ECI2: variants seen among roughly 807,000 people sequenced by gnomAD.
The protein encoded by ECI2 is enoyl-CoA delta isomerase 2, also known as D3,D2-enoyl-CoA isomerase.
A neutral mutation model predicts 38.4 loss-of-function variants in ECI2; 27 were observed. That is an observed-to-expected ratio of 0.70 (90% CI 0.52 to 0.97). The LOEUF (loss-of-function observed/expected upper bound fraction) is 0.97. Ranked by LOEUF, ECI2 falls within the 50% of genes least tolerant of loss-of-function variation. ECI2 has a pLI of 0.00. For synonymous variants in ECI2, 168 were observed against 172.0 expected (o/e 0.98, Z 0.18); for missense variants, 470 against 474.4 (o/e 0.99, Z 0.09).
At chr6:4,123,300 C>CA (rs1772928964) in intron 7 of ECI2, among the ~76,000 whole-genome samples, 1 of 151,930 alleles carries the variant, frequency 6.6e-6, no homozygotes, top group African/African-American at 2.4e-5. Context: ...CCTCAGCCTC[C>CA]AATGTAGCTG....
intron 7 of ECI2, among the ~76,000 whole-genome samples, chr6:4,119,702 G>T (rs1581966523): frequency 6.6e-6 from 1 of 152,120 alleles, no homozygotes; most frequent in South Asian, 2.1e-4. Context: ...AAGATTATGT[G>T]GTTAATATGC....
chr6:4,135,491 G>A lies in ECI2; in HGVS notation c.50+20C>T, dbSNP rs1163587349. On this transcript the variant is annotated intron_variant, in intron 1 of 9. Coordinates refer to ENST00000380118, the MANE Select transcript of ECI2 (RefSeq NM_206836.3). ...TCCTGCGGGCGACCATGGGCCGAAC[G>A]GCCGGGACTCCAAGCTTACCTCGGA... 1 of 1,612,148 alleles carries A rather than the reference G, an allele frequency of 6.2e-7. No homozygotes were observed. The highest frequency in any genetic ancestry group is 8.5e-7 in the Non-Finnish European group (1 of 1,179,666).
intron 8 of ECI2, 195 bp from the exon 9 acceptor site, chr6:4,117,646 G>A (rs1346283127): frequency 1.0e-5 from 6 of 599,692 alleles, no homozygotes; most frequent in African/African-American, 9.5e-5. Context: ...TCCTGGGAAG[G>A]TCTATAAGGG....
chr6:4,128,826 G>T (rs907598992), intron 4 of ECI2, among the ~76,000 whole-genome samples: 1 of 152,120 alleles, frequency 6.6e-6, no homozygotes, highest in Non-Finnish European at 1.5e-5. Context: ...CTTTTTATGG[G>T]GGACTTCAGG....
At chr6:4,135,428 G>A (rs901543864) in intron 1 of ECI2, 83 bp downstream of exon 1, 1 of 1,605,256 alleles carries the variant, frequency 6.2e-7, no homozygotes, top group Non-Finnish European at 8.5e-7. Flanking sequence ...GGGAAGGAGG[G>A]TCTTCCAACG....
At chr6:4,123,805 A>G (rs543556149) in intron 7 of ECI2, among the ~76,000 whole-genome samples, 3 of 151,966 alleles carry the variant, frequency 2.0e-5, no homozygotes, top group Admixed American at 2.0e-4. Context: ...TGTCTCTACT[A>G]AAAATACAAA....
chr6:4,127,847 A>G lies in ECI2; in HGVS notation c.502-16T>C, dbSNP rs186197559. 1.2e-3 allele frequency: 1,849 copies of G among 1,605,342 alleles called. 24 individuals carry two copies. In the African/African-American group the frequency reaches 0.021, roughly 18 times the overall value. ...CATGATACATCTGTGTAATGGGAAGACAAGGAAAAGAAAAGAACTCTGAAC... is the reference window on the plus strand; with the variant it reads ...CATGATACATCTGTGTAATGGGAAGGCAAGGAAAAGAAAAGAACTCTGAAC... On this transcript the variant is annotated splice_polypyrimidine_tract_variant and intron_variant, in intron 4 of 9. Coordinates refer to ENST00000380118, the MANE Select transcript of ECI2 (RefSeq NM_206836.3).
rs200235549 is a variant in ECI2, at chr6:4,125,363, C to G, written c.682G>C (p.Val228Leu). 1.9e-6 allele frequency: 3 copies of G among 1,614,106 alleles called. No homozygotes were observed. The highest frequency in any genetic ancestry group is 2.5e-6 in the Non-Finnish European group (3 of 1,180,030). Residue 228 changes from valine (V) to leucine (L), a missense_variant, in exon 7 of 10, where the codon GTG becomes CTG. By Grantham distance (32) the Val-to-Leu change is conservative. Transcript: ENST00000380118. ...KNNAVLLREFVGCFIDFPKPL... is the reference protein window; with the variant it reads ...KNNAVLLREFLGCFIDFPKPL... ...TTAGGAAAATCTATAAAACAGCCCA[C>G]AAATTCCCTACAGAAATGGAAACAC...
At position 4,135,513 on chromosome 6, in the gene ECI2, C is replaced by T. The variant is rs760835496; in HGVS notation, c.48G>A (p.Pro16=). ...AACGGCCGGGACTCCAAGCTTACCT[C>T]GGACACGAACGCCGCGCCAGTCTCC... is the stretch of plus-strand genomic sequence containing the variant. The part of the protein sequence containing the change: ...LAWRLARRSC[P]SSLQVTSFPV... The change falls in exon 1 of 10, where the codon CCG becomes CCA. Residue 16 remains proline (P), a splice_region_variant and synonymous_variant. Transcript: ENST00000380118. The T allele has an allele frequency of 1.3e-6, 2 of 1,598,418 alleles. No homozygotes were observed. Among genetic ancestry groups the T allele is most frequent in the Non-Finnish European group, 1.7e-6 (2 of 1,170,858 alleles).
In ECI2 at chr6:4,115,800, T is replaced by TTAG. The variant is rs1772218507; in HGVS notation, c.*71_*73dup. 2.6e-6 allele frequency: 4 copies of TTAG among 1,539,598 alleles called. No homozygotes were observed. Among genetic ancestry groups the TTAG allele is most frequent in the Non-Finnish European group, 3.5e-6 (4 of 1,139,014 alleles). On this transcript the variant is annotated 3_prime_UTR_variant, in exon 10 of 10. Transcript: ENST00000380118. ...CTACAAAAGGCACAATGAAGCTTAT[T>TTAG]TAGTTCCAGTACTGGAAATCAGAGG...
rs1184439137 is a variant in ECI2 at position 4,125,014 on chromosome 6, G to A, written c.795+236C>T. 6.0e-6 allele frequency: 4 copies of A among 662,574 alleles called. No individual in the cohort carries two copies. In the African/African-American group the frequency reaches 7.1e-5, roughly 12 times the overall value. The allele number at this position is 662,574 out of a possible 1,614,324, so 41.0% of individuals were successfully genotyped here. On this transcript the variant is annotated intron_variant, in intron 7 of 9. Coordinates refer to ENST00000380118, the MANE Select transcript of ECI2 (RefSeq NM_206836.3). ...AAGCTGTATACCTATTGTGGAATTTGATTAGAATCCGGAACAGTCAGAGTT... is the reference window on the plus strand; with the variant it reads ...AAGCTGTATACCTATTGTGGAATTTAATTAGAATCCGGAACAGTCAGAGTT...
rs1772506543 is a variant in ECI2 at position 4,119,260 on chromosome 6, G to A, written c.811C>T (p.Pro271Ser). The change falls in exon 8 of 10, where the codon CCA (proline) becomes TCA (serine). Residue 271 changes from proline (P) to serine (S), a missense_variant. Coordinates refer to ENST00000380118, the MANE Select transcript of ECI2 (RefSeq NM_206836.3). The part of the protein sequence containing the change: ...YASDRATFHT[P>S]FSHLGQSPEG... Reference sequence around the variant, plus strand: ...GGACTTTGGCCTAGGTGACTAAATGGTGTATGAAATGTTGCCTGCAGAGGC... The same window carrying A: ...GGACTTTGGCCTAGGTGACTAAATGATGTATGAAATGTTGCCTGCAGAGGC... 1 of 1,612,654 alleles carries A rather than the reference G, an allele frequency of 6.2e-7. No individual in the cohort carries two copies. Among genetic ancestry groups the A allele is most frequent in the Non-Finnish European group, 8.5e-7 (1 of 1,179,392 alleles).
chr6:4,123,724 C>T (rs1772960272), intron 7 of ECI2, among the ~76,000 whole-genome samples: 1 of 151,916 alleles, frequency 6.6e-6, no homozygotes, highest in Admixed American at 6.6e-5. Context: ...CCCAGCACTT[C>T]AGGAGGCCAA....
At chr6:4,127,900 C>A in intron 4 of ECI2, 69 bp from the exon 5 acceptor site, 2 of 1,466,322 alleles carry the variant, frequency 1.4e-6, no homozygotes, top group Non-Finnish European at 9.3e-7. Context: ...ATGGACTCAA[C>A]AAATGTCAGG....
chr6:4,133,255 C>T (rs1324748654), intron 2 of ECI2, among the ~76,000 whole-genome samples: 1 of 152,024 alleles, frequency 6.6e-6, no homozygotes, highest in Non-Finnish European at 1.5e-5. Context: ...TTAAAAATAC[C>T]TTTTTCAGTT....
At chr6:4,129,989 GC>G (rs1208645697) in intron 4 of ECI2, among the ~76,000 whole-genome samples, 1 of 152,028 alleles carries the variant, frequency 6.6e-6, no homozygotes, top group African/African-American at 2.4e-5. Context: ...AAAAAATGAA[GC>G]CCCCGTGCAA....
chr6:4,121,127 T>A (rs1415020549), intron 7 of ECI2, among the ~76,000 whole-genome samples: 1 of 152,224 alleles, frequency 6.6e-6, no homozygotes, highest in Non-Finnish European at 1.5e-5. Context: ...CTATTAAGTC[T>A]TTTTCATTTT....
In ECI2 at chr6:4,117,349, C is replaced by T; in HGVS notation, c.988G>A (p.Val330Ile). ...VFPDSTFQKE[V>I]WTRLKAFAKL... ...GCAAATGCCTTCAGCCTGGTCCAGA[C>T]TTCTTTCTGAAAAGTGCTATCAGGG... The change falls in exon 9 of 10, where the codon GTC becomes ATC. Residue 330 changes from valine (V) to isoleucine (I), a missense_variant. By Grantham distance (29) the Val-to-Ile change is conservative. Transcript: ENST00000380118. The T allele has an allele frequency of 6.2e-7, 1 of 1,613,922 alleles. No individual in the cohort carries two copies. Among genetic ancestry groups the T allele is most frequent in the African/African-American group, 1.3e-5 (1 of 75,038 alleles).
At chr6:4,130,213 A>G (rs775851243) in intron 4 of ECI2, 159 bp downstream of exon 4, 24 of 1,613,702 alleles carry the variant, frequency 1.5e-5, no homozygotes, top group South Asian at 2.2e-5. Context: ...TGAATGCTCA[A>G]CTCTGTTGTA....
Sources: gnomAD v4.1 joint callset for allele counts (sites outside exome capture counted in the v4.1 genomes callset) on GRCh38, gnomAD v4.1.1 for gene constraint, MANE v1.5 for transcripts, NCBI Gene and HGNC (gene_info 2026-07-23, HGNC 2026-07-21) for gene names.